Variants in AHCTF1 observed in about 807,000 individuals in gnomAD.
AHCTF1 encodes the protein protein ELYS.
Under a neutral mutation model 248.4 loss-of-function variants are expected in AHCTF1, and 24 were observed. The observed-to-expected ratio is 0.10, with a 90% CI of 0.07 to 0.14. The LOEUF (loss-of-function observed/expected upper bound fraction) is 0.14, where lower values mean the gene tolerates loss of function less well. Ranked by LOEUF, AHCTF1 falls within the 10% of genes least tolerant of loss-of-function variation. The pLI, the probability that AHCTF1 is intolerant of heterozygous loss-of-function variation, is 1.00. For synonymous variants in AHCTF1, 786 were observed against 929.8 expected, an observed-to-expected ratio of 0.85 and a Z score of 2.81; for missense variants, 2,206 against 2,636.2, an observed-to-expected ratio of 0.84 and a Z score of 3.57.
chr1:246,913,809 C>T (rs985979289), intron 3 of AHCTF1, among the ~76,000 whole-genome samples: 5 of 152,210 alleles, frequency 3.3e-5, no homozygotes, highest in Admixed American at 6.5e-5. Context: ...ACGCATAAAA[C>T]GCAAACCTAA....
At chr1:246,868,474 C>T (rs770902178) in intron 24 of AHCTF1, among the ~76,000 whole-genome samples, 5 of 151,770 alleles carry the variant, frequency 3.3e-5, no homozygotes, top group African/African-American at 4.9e-5. Flanking sequence ...AGACTGGTCT[C>T]AAACTCCGGG....
chr1:246,853,876 G>T (rs1172822772), intron 31 of AHCTF1, among the ~76,000 whole-genome samples: 3 of 151,066 alleles, frequency 2.0e-5, no homozygotes, highest in African/African-American at 4.9e-5. Context: ...CCTAACATGT[G>T]GATACTAATA....
chr1:246,907,797 G>C (rs375584455), intron 4 of AHCTF1, 39 bp from the exon 5 acceptor site: 5 of 1,558,276 alleles, frequency 3.2e-6, no homozygotes, highest in Non-Finnish European at 4.4e-6. Flanking sequence ...TAAAAAACTA[G>C]AAACAGCATT....
At chr1:246,844,012 T>C in intron 33 of AHCTF1, 84 bp from the exon 34 acceptor site, 3 of 1,024,848 alleles carry the variant, frequency 2.9e-6, no homozygotes, top group Non-Finnish European at 1.3e-6. Context: ...GAACAAATTA[T>C]GTGTTTTAGA....
chr1:246,898,197 A>T lies in AHCTF1; in HGVS notation c.1623+11T>A, dbSNP rs545692719. The T allele has an allele frequency of 3.6e-5, 58 of 1,611,710 alleles. No homozygotes were observed. The South Asian group carries it at 6.2e-4, about 17-fold the overall frequency. Reference sequence around the variant, plus strand: ...AACCAAAAGAAACAATAGAGTTAAAAATCATCTCACTTGGCTTAAACTGGA... The same window carrying T: ...AACCAAAAGAAACAATAGAGTTAAATATCATCTCACTTGGCTTAAACTGGA... On this transcript the variant is annotated intron_variant, in intron 12 of 35. Coordinates refer to ENST00000648844, the MANE Select transcript of AHCTF1 (RefSeq NM_001323342.2).
intron 24 of AHCTF1, among the ~76,000 whole-genome samples, 180 bp from the exon 25 acceptor site, chr1:246,867,991 C>T (rs1305059408): frequency 1.4e-5 from 2 of 143,040 alleles, no homozygotes; most frequent in African/African-American, 2.7e-5. Flanking sequence ...TTAGACCAGT[C>T]TTGCTGTGTC....
intron 24 of AHCTF1, among the ~76,000 whole-genome samples, chr1:246,868,860 TTTG>T (rs1490448074): frequency 8.8e-5 from 13 of 147,230 alleles, no homozygotes; most frequent in African/African-American, 3.1e-4. Context: ...TTTTTTTTTT[TTTG>T]AGATGGAGTC....
chr1:246,850,374 A>G lies in AHCTF1; in HGVS notation c.5632T>C (p.Ser1878Pro). 1 of 1,612,258 alleles carries G rather than the reference A, an allele frequency of 6.2e-7. No homozygotes were observed. The highest frequency in any genetic ancestry group is 1.1e-5 in the South Asian group (1 of 90,748). ...TCAACACTTTCCTGATTTTCTACAGATCTTTTAATTCTTCTAGGAGTCCTT... is the reference window on the plus strand; with the variant it reads ...TCAACACTTTCCTGATTTTCTACAGGTCTTTTAATTCTTCTAGGAGTCCTT... ...TKRTPRRIKR[S>P]VENQESVEII... The change falls in exon 33 of 36, where the codon TCT (serine) becomes CCT (proline). Residue 1878 changes from serine to proline, a missense_variant. Coordinates refer to ENST00000648844, the MANE Select transcript of AHCTF1 (RefSeq NM_001323342.2).
chr1:246,891,229 T>C (rs1364837077), intron 15 of AHCTF1, among the ~76,000 whole-genome samples, 169 bp from the exon 16 acceptor site: 1 of 152,208 alleles, frequency 6.6e-6, no homozygotes, highest in East Asian at 1.9e-4. Flanking sequence ...TCTTTGTATT[T>C]AGTTTACTTT....
intron 7 of AHCTF1, among the ~76,000 whole-genome samples, 194 bp from the exon 8 acceptor site, chr1:246,902,869 C>G (rs1446060438): frequency 6.6e-6 from 1 of 152,124 alleles, no homozygotes; most frequent in South Asian, 2.1e-4. Context: ...TTTAGTCTCT[C>G]AAAAATAATT....
chr1:246,892,280 A>G (rs73144220), intron 14 of AHCTF1, among the ~76,000 whole-genome samples: 5,997 of 145,472 alleles, frequency 0.041, 427 homozygotes, highest in African/African-American at 0.14. Context: ...CCTTCTTTAA[A>G]TCAAATTCTA....
In AHCTF1 at chr1:246,867,893, C is replaced by CA. The variant is rs1053398357; in HGVS notation, c.3089-83_3089-82insT. Reference sequence around the variant, plus strand: ...AAAGCATATGAAAGAATGATTACACCCCCCCCCCCACACACACACACACAC... The same window carrying CA: ...AAAGCATATGAAAGAATGATTACACCACCCCCCCCCACACACACACACACAC... On this transcript the variant is annotated intron_variant, in intron 24 of 35. Coordinates refer to ENST00000648844, the MANE Select transcript of AHCTF1 (RefSeq NM_001323342.2). 4.0e-5 allele frequency: 18 copies of CA among 455,162 alleles called. 1 individual carries two copies. The highest frequency in any genetic ancestry group is 6.1e-5 in the African/African-American group (1 of 16,496). The allele number at this position is 455,162 out of a possible 1,614,324, so 28.2% of individuals were successfully genotyped here.
intron 13 of AHCTF1, among the ~76,000 whole-genome samples, chr1:246,895,164 T>A (rs964034014): frequency 5.9e-5 from 9 of 152,302 alleles, no homozygotes; most frequent in Admixed American, 5.9e-4. Flanking sequence ...GATTCTGAGC[T>A]CTCTCTACCC....
chr1:246,849,959 T>C lies in AHCTF1; in HGVS notation c.6047A>G (p.Lys2016Arg), dbSNP rs145462531. The C allele has an allele frequency of 1.9e-6, 3 of 1,613,866 alleles. No homozygotes were observed. The highest frequency in any genetic ancestry group is 1.7e-6 in the Non-Finnish European group (2 of 1,179,870). Reference sequence around the variant, plus strand: ...TTTTCCAACATCAACATTTTCACTTTTAGCTGGGGTATTTCTTGTAGATCT... The same window carrying C: ...TTTTCCAACATCAACATTTTCACTTCTAGCTGGGGTATTTCTTGTAGATCT... Reference protein sequence around the residue: ...RRRSTRNTPAKSENVDVGKPA... With the variant: ...RRRSTRNTPARSENVDVGKPA... The change falls in exon 33 of 36, where the codon AAA (lysine) becomes AGA (arginine). Residue 2016 changes from lysine (K) to arginine (R), a missense_variant. By Grantham distance (26) the Lys-to-Arg change is conservative. This residue lies in a region of AHCTF1 where 469 missense variants were observed against 470.0 expected (regional missense o/e 1.00). Coordinates refer to ENST00000648844, the MANE Select transcript of AHCTF1 (RefSeq NM_001323342.2).
intron 13 of AHCTF1, among the ~76,000 whole-genome samples, chr1:246,895,582 G>A (rs1664516135): frequency 6.6e-6 from 1 of 152,086 alleles, no homozygotes; most frequent in Non-Finnish European, 1.5e-5. Flanking sequence ...TAAGGATGGG[G>A]CAGAAAGAAG....
At chr1:246,896,358 C>T (rs528665408) in intron 12 of AHCTF1, among the ~76,000 whole-genome samples, 1 of 152,116 alleles carries the variant, frequency 6.6e-6, no homozygotes, top group East Asian at 1.9e-4. Flanking sequence ...TATGCTCATA[C>T]AACAGAATAT....
intron 8 of AHCTF1, among the ~76,000 whole-genome samples, chr1:246,901,111 G>A (rs1381276571): frequency 1.3e-5 from 2 of 152,060 alleles, no homozygotes; most frequent in East Asian, 3.9e-4. Flanking sequence ...AGGCCAGGTG[G>A]GCAGATCAAT....
chr1:246,910,504 G>C (rs988384836), intron 4 of AHCTF1, among the ~76,000 whole-genome samples: 1 of 152,176 alleles, frequency 6.6e-6, no homozygotes, highest in Non-Finnish European at 1.5e-5. Context: ...GGGAAAGGAG[G>C]AAAGGGGAAT....
At chr1:246,929,787 C>G (rs979584320) in intron 1 of AHCTF1, among the ~76,000 whole-genome samples, 4 of 152,228 alleles carry the variant, frequency 2.6e-5, no homozygotes, top group African/African-American at 4.8e-5. Context: ...GGCGCGGTGG[C>G]TCACGCCTGT....
Sources: allele counts gnomAD v4.1 joint callset (sites outside exome capture counted in the v4.1 genomes callset), GRCh38; gene constraint gnomAD v4.1.1; regional missense constraint gnomAD v4.1.1; transcripts MANE v1.5; gene names NCBI Gene and HGNC (gene_info 2026-07-23, HGNC 2026-07-21).